Variants in TTN observed in about 807,000 individuals in gnomAD.
TTN encodes the protein titin.
In TTN, 1,525 loss-of-function variants were observed where a neutral mutation model predicts 3,223.0. The ratio of observed to expected loss-of-function variants is 0.47; its 90% confidence interval spans 0.45 to 0.49. TTN has a LOEUF of 0.49. Ranked by LOEUF, TTN falls within the 20% of genes least tolerant of loss-of-function variation. The probability of loss-of-function intolerance (pLI) is 0.00; values close to 1 mark genes in which losing one functional copy is unlikely to be tolerated. For synonymous variants in TTN, 14,094 were observed against 15,161.0 expected (o/e 0.93, Z 5.17); for missense variants, 40,786 against 43,424.0 (o/e 0.94, Z 5.40).
rs777182534 is a variant in TTN at position 178,584,318 on chromosome 2, G to T, written c.65233C>A (p.Pro21745Thr). 29 of 1,600,248 alleles carry T rather than the reference G, an allele frequency of 1.8e-5. No homozygotes were observed. Among genetic ancestry groups the T allele is most frequent in the Non-Finnish European group, 2.4e-5 (28 of 1,170,520 alleles). ...GTTACATATTCTGTGGGTTTGCTGG[G>T]TGGGCTGGATCCAGCTTTGTTTAGG... ...YALNKAGSSP[P>T]SKPTEYVTAR... Residue 21745 changes from proline (P) to threonine (T), a missense_variant, in exon 311 of 363, where the codon CCC (proline) becomes ACC (threonine). Pro to Thr is a conservative substitution (Grantham distance 38). Transcript: ENST00000589042.
intron 50 of TTN, 107 bp downstream of exon 50, chr2:178,735,404 C>T: frequency 9.1e-7 from 1 of 1,099,504 alleles, no homozygotes; most frequent in South Asian, 2.1e-5. Context: ...TGCTGAATGA[C>T]ATTATTTTAA....
Position 178,575,678 on chromosome 2 carries a change from G to T in TTN, c.70454C>A (p.Ala23485Asp). Reference sequence around the variant, plus strand: ...TGTGCATTTATGGCACTTAGTGGTGGCTGTGGAATAAGATTTCCGTGTTGC... The same window carrying T: ...TGTGCATTTATGGCACTTAGTGGTGTCTGTGGAATAAGATTTCCGTGTTGC... ...REATRKSYST[A>D]TTKCHKCTYK... Residue 23485 changes from alanine to aspartate, a missense_variant, in exon 326 of 363, where the codon GCC becomes GAC. By Grantham distance (126) the Ala-to-Asp change is moderately radical. Coordinates refer to ENST00000589042, the MANE Select transcript of TTN (RefSeq NM_001267550.2). This position sits in a 1 kb window ranked among gnomAD's most constrained non-coding sequence, Gnocchi z 4.0. The T allele has an allele frequency of 1.2e-6, 2 of 1,613,578 alleles. No homozygotes were observed. The highest frequency in any genetic ancestry group is 1.7e-6 in the Non-Finnish European group (2 of 1,179,652).
At chr2:178,772,036 A>G (rs1277725787) in intron 33 of TTN, among the ~76,000 whole-genome samples, 1 of 152,148 alleles carries the variant, frequency 6.6e-6, no homozygotes, top group Non-Finnish European at 1.5e-5. Flanking sequence ...TGTCCTCTCT[A>G]AATTATGAAT....
rs368427156 is a variant in TTN, at chr2:178,729,472, A to G, written c.18684T>C (p.Phe6228=). Residue 6228 remains phenylalanine (F), a synonymous_variant, in exon 64 of 363, where the codon TTT becomes TTC. Transcript: ENST00000589042. ...LECEVTGTPP[F]EVTWLKNNRE... is the part of the protein sequence containing the mutation. ...TGTTATTCTTCAGCCAAGTGACTTC[A>G]AACGGAGGTGTTCCCGTAACTTCAC... The G allele has an allele frequency of 4.3e-5, 69 of 1,613,506 alleles. 1 individual carries two copies. Among genetic ancestry groups the G allele is most frequent in the Admixed American group, 2.5e-4 (15 of 59,966 alleles).
rs1553512070 is a variant in TTN at position 178,540,278 on chromosome 2, A to C, written c.97888T>G (p.Ser32630Ala). 1.2e-6 allele frequency: 2 copies of C among 1,613,762 alleles called. No homozygotes were observed. The highest frequency in any genetic ancestry group is 8.5e-7 in the Non-Finnish European group (1 of 1,179,760). ...TCAATCAAGTAGCCTGTGACTTTAG[A>C]TCCTCCTTCATCTTCTGGAACACTC... Reference protein sequence around the residue: ...AWSVPEDEGGSKVTGYLIEMQ... With the variant: ...AWSVPEDEGGAKVTGYLIEMQ... The change falls in exon 351 of 363, where the codon TCT becomes GCT. Residue 32630 changes from serine to alanine, a missense_variant. Physicochemically the swap from Ser to Ala is moderately conservative, Grantham distance 99. Coordinates refer to ENST00000589042, the MANE Select transcript of TTN (RefSeq NM_001267550.2).
chr2:178,714,758 T>C (rs2077209341), intron 90 of TTN, among the ~76,000 whole-genome samples, 185 bp from the exon 91 acceptor site: 1 of 152,312 alleles, frequency 6.6e-6, no homozygotes, highest in Non-Finnish European at 1.5e-5. Context: ...ATATCTCATC[T>C]ACTCCAGCTT....
rs771563848 is a variant in TTN, at chr2:178,778,979, T to G, written c.4103A>C (p.Asn1368Thr). The change falls in exon 24 of 363, where the codon AAT becomes ACT. Residue 1368 changes from asparagine (N) to threonine (T), a missense_variant. By Grantham distance (65) the Asn-to-Thr change is moderately conservative. Transcript: ENST00000589042. Reference sequence around the variant, plus strand: ...TGAGCAAATTGCATTTCCTTTAATATTGCTGGCAAATGCAGTGTAGATTCC... The same window carrying G: ...TGAGCAAATTGCATTTCCTTTAATAGTGCTGGCAAATGCAGTGTAGATTCC... ...DEGIYTAFASNIKGNAICSGK... is the reference protein window; with the variant it reads ...DEGIYTAFASTIKGNAICSGK... 1 of 1,614,038 alleles carries G rather than the reference T, an allele frequency of 6.2e-7. No individual in the cohort carries two copies. Among genetic ancestry groups the G allele is most frequent in the South Asian group, 1.1e-5 (1 of 91,082 alleles).
Position 178,595,823 on chromosome 2 carries a change from G to A in TTN, c.57545-14C>T, listed in dbSNP as rs2051414155. Reference sequence around the variant, plus strand: ...GACCTGGAACATCTGGAAATAAGAAGAAAATAATTCAAGCTGTTTGCCTTC... The same window carrying A: ...GACCTGGAACATCTGGAAATAAGAAAAAAATAATTCAAGCTGTTTGCCTTC... On this transcript the variant is annotated splice_polypyrimidine_tract_variant and intron_variant, in intron 294 of 362. Transcript: ENST00000589042. 1 of 1,573,764 alleles carries A rather than the reference G, an allele frequency of 6.4e-7. No individual in the cohort carries two copies. Among genetic ancestry groups the A allele is most frequent in the East Asian group, 2.3e-5 (1 of 43,210 alleles).
chr2:178,774,792 G>T, intron 29 of TTN, 129 bp downstream of exon 29: 2 of 1,074,646 alleles, frequency 1.9e-6, no homozygotes, highest in Non-Finnish European at 2.7e-6. Context: ...TTATGATTCT[G>T]GCTATGAAAC....
Position 178,732,596 on chromosome 2 carries a change from CT to C in TTN, c.16464del (p.Glu5489SerfsTer15). 6.2e-7 allele frequency: 1 copy of C among 1,613,696 alleles called. No individual in the cohort carries two copies. The highest frequency in any genetic ancestry group is 8.5e-7 in the Non-Finnish European group (1 of 1,179,734). On this transcript the variant is annotated frameshift_variant, in exon 56 of 363. Coordinates refer to ENST00000589042, the MANE Select transcript of TTN (RefSeq NM_001267550.2). LOFTEE classifies it high-confidence loss of function. ...TAGCAGCTTCCACCAGAAACCAGCT[CT>C]TTGTTGCCCTTAAACCATCTGATTG... ...PLTIRWFKGN[K>X]ELVSGGSCYI...
chr2:178,652,025 A>C, intron 204 of TTN, 58 bp from the exon 205 acceptor site: 1 of 1,611,194 alleles, frequency 6.2e-7, no homozygotes, highest in South Asian at 1.1e-5. Context: ...GATAGTTTGC[A>C]AAAAAATGTT....
At position 178,756,651 on chromosome 2, in the gene TTN, C is replaced by A; in HGVS notation, c.10825G>T (p.Glu3609Ter). 1 of 1,613,812 alleles carries A rather than the reference C, an allele frequency of 6.2e-7. No individual in the cohort carries two copies. The highest frequency in any genetic ancestry group is 8.5e-7 in the Non-Finnish European group (1 of 1,179,794). ...KSFQGSSYEY[E>*]VQVFESVSQS... ...GATACACTTTCAAAAACCTGCACTT[C>A]ATATTCATATGATGATCCTTGAAAT... The change falls in exon 46 of 363, where the codon GAA becomes TAA. Residue 3609 changes from glutamate to a stop codon, truncating the protein, a stop_gained. Transcript: ENST00000589042. LOFTEE classifies it high-confidence loss of function.
In TTN at chr2:178,598,033, G is replaced by A. The variant is rs1039868345; in HGVS notation, c.57137C>T (p.Thr19046Ile). The A allele has an allele frequency of 6.2e-7, 1 of 1,612,950 alleles. No homozygotes were observed. The highest frequency in any genetic ancestry group is 8.5e-7 in the Non-Finnish European group (1 of 1,179,436). ...CTTTAATCCTGTCACAACAAGCTTTGTTCCTCTCACTTCTTTATCTTTACC... is the reference window on the plus strand; with the variant it reads ...CTTTAATCCTGTCACAACAAGCTTTATTCCTCTCACTTCTTTATCTTTACC... ...EKGKDKEVRGTKLVVTGLKEG... is the reference protein window; with the variant it reads ...EKGKDKEVRGIKLVVTGLKEG... The change falls in exon 293 of 363, where the codon ACA becomes ATA. Residue 19046 changes from threonine to isoleucine, a missense_variant. Physicochemically the swap from Thr to Ile is moderately conservative, Grantham distance 89 (BLOSUM62 -1). Transcript: ENST00000589042.
intron 120 of TTN, 89 bp from the exon 121 acceptor site, chr2:178,692,188 A>G: frequency 8.0e-7 from 1 of 1,250,046 alleles, no homozygotes; most frequent in Non-Finnish European, 1.1e-6. Flanking sequence ...AATCTTCACT[A>G]ACAGTGTGAG....
chr2:178,663,545 A>C, intron 171 of TTN, 29 bp from the exon 172 acceptor site: 1 of 1,613,644 alleles, frequency 6.2e-7, no homozygotes, highest in East Asian at 2.2e-5. Context: ...AATTACATTT[A>C]GGCATTATGA....
chr2:178,792,187 T>G lies in TTN; in HGVS notation c.1547A>C (p.Glu516Ala), dbSNP rs976484276. 2 of 1,606,634 alleles carry G rather than the reference T, an allele frequency of 1.2e-6. No individual in the cohort carries two copies. The highest frequency in any genetic ancestry group is 2.7e-5 in the African/African-American group (2 of 74,674). ...CTTTGGTACAAATGTTTTTTCAGTT[T>G]CTTTTCTTATCTGCAAAGAATGATT... ...MHVTHEQIRK[E>A]TEKTFVPKVV... Residue 516 changes from glutamate (E) to alanine (A), a missense_variant, in exon 10 of 363, where the codon GAA becomes GCA. Physicochemically the swap from Glu to Ala is moderately radical, Grantham distance 107. Transcript: ENST00000589042.
chr2:178,718,883 G>A lies in TTN; in HGVS notation c.24317C>T (p.Pro8106Leu). Residue 8106 changes from proline (P) to leucine (L), a missense_variant, in exon 84 of 363, where the codon CCT (proline) becomes CTT (leucine). Coordinates refer to ENST00000589042, the MANE Select transcript of TTN (RefSeq NM_001267550.2). Reference sequence around the variant, plus strand: ...GCCTTTAAACCACTTGACCTTGAAAGGAGGGGTGCCTCTGATGACACTGGT... The same window carrying A: ...GCCTTTAAACCACTTGACCTTGAAAAGAGGGGTGCCTCTGATGACACTGGT... ...TFTSVIRGTPPFKVKWFKGSR... is the reference protein window; with the variant it reads ...TFTSVIRGTPLFKVKWFKGSR... The A allele has an allele frequency of 6.2e-7, 1 of 1,613,574 alleles. No homozygotes were observed. The highest frequency in any genetic ancestry group is 2.2e-5 in the East Asian group (1 of 44,804).
chr2:178,679,302 TATC>T, intron 142 of TTN, 34 bp downstream of exon 142: 1 of 1,602,696 alleles, frequency 6.2e-7, no homozygotes, highest in Non-Finnish European at 8.5e-7. Flanking sequence ...ATGGGTGAAT[TATC>T]ATGCTATTCC....
intron 47 of TTN, chr2:178,743,083 A>G (rs2082788191): frequency 6.6e-6 from 1 of 152,010 alleles, no homozygotes; most frequent in Admixed American, 6.6e-5. Flanking sequence ...CTTTCCCTTC[A>G]CTTGAACTCA....
Sources: allele counts gnomAD v4.1 joint callset (sites outside exome capture counted in the v4.1 genomes callset), GRCh38; gene constraint gnomAD v4.1.1; non-coding constraint Gnocchi (gnomAD v3.1); transcripts MANE v1.5; gene names NCBI Gene and HGNC (gene_info 2026-07-23, HGNC 2026-07-21).